Variants in ERAP1 observed in about 807,000 individuals in gnomAD.
The protein encoded by ERAP1 is adipocyte-derived leucine aminopeptidase.
In ERAP1, 86 loss-of-function variants were observed where a neutral mutation model predicts 103.7. That is an observed-to-expected ratio of 0.83 (90% CI 0.70 to 0.99). The LOEUF (loss-of-function observed/expected upper bound fraction) is 0.99. ERAP1 is among the 50% of genes least tolerant of loss of function. The pLI, the probability that ERAP1 is intolerant of heterozygous loss-of-function variation, is 0.00. For missense variants in ERAP1, 1,009 were observed against 1,128.4 expected (o/e 0.89, Z 1.52); for synonymous variants, 398 against 402.4 (o/e 0.99, Z 0.13).
At chr5:96,765,166 GC>G (rs1769406971) in intron 19 of ERAP1, 2 of 991,644 alleles carry the variant, frequency 2.0e-6, no homozygotes, top group African/African-American at 3.3e-5. Context: ...GGGCTAATTT[GC>G]CTCTGATACA....
the ERAP1 span, among the ~76,000 whole-genome samples, chr5:96,895,958 G>A: frequency 5.9e-5 from 9 of 152,282 alleles, no homozygotes; most frequent in Admixed American, 4.6e-4. Flanking sequence ...TACTGTGTAT[G>A]TACTGAATTT....
At chr5:96,892,349 C>G in the ERAP1 span, 1 of 1,613,922 alleles carries the variant, frequency 6.2e-7, no homozygotes, top group Non-Finnish European at 8.5e-7. Flanking sequence ...AAATTGGGGC[C>G]TCATTACATA....
At chr5:96,859,208 G>C in the ERAP1 span, among the ~76,000 whole-genome samples, 1 of 152,084 alleles carries the variant, frequency 6.6e-6, no homozygotes, top group Non-Finnish European at 1.5e-5. Context: ...GGGTCTCTGG[G>C]CGACACAGGA....
At chr5:96,922,563 T>C in the ERAP1 span, among the ~76,000 whole-genome samples, 30 of 152,336 alleles carry the variant, frequency 2.0e-4, no homozygotes, top group African/African-American at 7.0e-4. Flanking sequence ...GCTTTCTAGC[T>C]GGCTGGGGGC....
Position 96,781,166 on chromosome 5 carries a change from A to G in ERAP1, c.2480T>C (p.Ile827Thr). The change falls in exon 17 of 19, where the codon ATA (isoleucine) becomes ACA (threonine). Residue 827 changes from isoleucine (I) to threonine (T), a missense_variant. Around this residue, in one of 3 missense-constraint regions of ERAP1, gnomAD observed 611 missense variants for 651.7 expected, o/e 0.94. Transcript: ENST00000443439. ...AATTTGTGGAAACTCCTGAGTTTTT[A>G]TTTTATCTCCCTTAAAGCTTTCATC... The part of the protein sequence containing the change: ...LLDESFKGDK[I>T]KTQEFPQILT... The G allele has an allele frequency of 3.1e-6, 5 of 1,613,088 alleles. No homozygotes were observed. The highest frequency in any genetic ancestry group is 4.2e-6 in the Non-Finnish European group (5 of 1,179,756).
At chr5:96,847,233 G>A in the ERAP1 span, among the ~76,000 whole-genome samples, 3 of 135,212 alleles carry the variant, frequency 2.2e-5, no homozygotes, top group Admixed American at 2.5e-4. Flanking sequence ...AGGTGACAGA[G>A]CAAGACTCCA....
chr5:96,825,767 T>C, the ERAP1 span, among the ~76,000 whole-genome samples: 1 of 152,360 alleles, frequency 6.6e-6, no homozygotes, highest in East Asian at 1.9e-4. Flanking sequence ...ATTTCTTCTG[T>C]TGTAACACAC....
At chr5:96,841,210 C>T in the ERAP1 span, among the ~76,000 whole-genome samples, 1 of 152,170 alleles carries the variant, frequency 6.6e-6, no homozygotes, top group African/African-American at 2.4e-5. Context: ...AGTGGCTGTG[C>T]AGAAAGCCCT....
At chr5:96,764,176 T>C (rs1768992552) in intron 19 of ERAP1, among the ~76,000 whole-genome samples, 1 of 152,210 alleles carries the variant, frequency 6.6e-6, no homozygotes. Context: ...TTGAAAAATA[T>C]GGATTTTGCT....
At chr5:96,857,156 T>A in the ERAP1 span, among the ~76,000 whole-genome samples, 2 of 152,226 alleles carry the variant, frequency 1.3e-5, no homozygotes, top group Non-Finnish European at 2.9e-5. Flanking sequence ...TTTGCCAGGC[T>A]AACTGCTTCT....
At chr5:96,885,722 G>A in the ERAP1 span, among the ~76,000 whole-genome samples, 79,774 of 148,598 alleles carry the variant, frequency 0.54, 20,951 homozygotes, top group Middle Eastern at 0.59. Context: ...AGCCTGTCTA[G>A]GAGTTGTGAC....
chr5:96,914,764 C>T, the ERAP1 span, among the ~76,000 whole-genome samples: 7 of 152,108 alleles, frequency 4.6e-5, no homozygotes, highest in Non-Finnish European at 7.4e-5. Flanking sequence ...AGAGTTCAAC[C>T]AAGTAACATT....
the ERAP1 span, among the ~76,000 whole-genome samples, chr5:96,822,780 T>C: frequency 6.6e-6 from 1 of 152,200 alleles, no homozygotes; most frequent in East Asian, 1.9e-4. Flanking sequence ...CAGGCATTAC[T>C]TTTCCATGTG....
At chr5:96,782,302 C>T (rs1775328183) in intron 15 of ERAP1, among the ~76,000 whole-genome samples, 1 of 152,100 alleles carries the variant, frequency 6.6e-6, no homozygotes, top group Non-Finnish European at 1.5e-5. Context: ...AGCCACCGCG[C>T]CTGGCCTAGT....
At chr5:96,913,220 TC>T in the ERAP1 span, 1 of 935,530 alleles carries the variant, frequency 1.1e-6, no homozygotes, top group South Asian at 1.9e-5. Flanking sequence ...TTATCATGCC[TC>T]TTTCTGTTCT....
chr5:96,833,713 G>A, the ERAP1 span, among the ~76,000 whole-genome samples: 5 of 151,468 alleles, frequency 3.3e-5, no homozygotes, highest in African/African-American at 9.7e-5. Context: ...CAGGGGAATC[G>A]CTTGAACCCG....
At chr5:96,853,480 T>C in the ERAP1 span, among the ~76,000 whole-genome samples, 3 of 152,170 alleles carry the variant, frequency 2.0e-5, no homozygotes, top group Non-Finnish European at 2.9e-5. Context: ...ATGCCTTATA[T>C]ACTTATCTCT....
At chr5:96,911,697 G>A in the ERAP1 span, among the ~76,000 whole-genome samples, 1 of 151,392 alleles carries the variant, frequency 6.6e-6, no homozygotes, top group African/African-American at 2.4e-5. Context: ...CATAGTGAGA[G>A]CCCATCTCTA....
chr5:96,765,210 T>G lies in ERAP1; in HGVS notation c.2819-1982A>C, dbSNP rs1769423685. Reference sequence around the variant, plus strand: ...TAATGAGTGACTAATTCAGCATTATTTACTTTTCAGCAGAGTGACAAAGAC... The same window carrying G: ...TAATGAGTGACTAATTCAGCATTATGTACTTTTCAGCAGAGTGACAAAGAC... On this transcript the variant is annotated intron_variant, in intron 19 of 19. Coordinates refer to the ERAP1 transcript ENST00000296754. 2.6e-6 allele frequency: 4 copies of G among 1,521,294 alleles called. No individual in the cohort carries two copies. Among genetic ancestry groups the G allele is most frequent in the Non-Finnish European group, 3.6e-6 (4 of 1,101,932 alleles). The allele number at this position is 1,521,294 out of a possible 1,614,324, so 94.2% of individuals were successfully genotyped here. A position where few individuals can be genotyped will look rare whatever the true frequency, so the allele number is the denominator to read the frequency against.
Sources: gnomAD v4.1 joint callset for allele counts (sites outside exome capture counted in the v4.1 genomes callset) on GRCh38, gnomAD v4.1.1 for gene constraint, gnomAD v4.1.1 regional missense constraint, MANE v1.5 for transcripts, NCBI Gene and HGNC (gene_info 2026-07-23, HGNC 2026-07-21) for gene names.